The following CACNA2D3 variants were observed in gnomAD, a reference collection of about 807,000 sequenced individuals.
CACNA2D3 encodes the protein calcium voltage-gated channel auxiliary subunit alpha2delta 3, also known as voltage-dependent calcium channel subunit alpha-2/delta-3.
Under a neutral mutation model 160.6 loss-of-function variants are expected in CACNA2D3, and 60 were observed. That is an observed-to-expected ratio of 0.37 (90% CI 0.30 to 0.46). The LOEUF (loss-of-function observed/expected upper bound fraction) is 0.46, where lower values mean the gene tolerates loss of function less well. CACNA2D3 is among the 20% of genes least tolerant of loss of function. The probability of loss-of-function intolerance (pLI) is 1.00; values close to 1 mark genes in which losing one functional copy is unlikely to be tolerated. For missense variants in CACNA2D3, 1,205 were observed against 1,365.0 expected, an observed-to-expected ratio of 0.88 and a Z score of 1.85; for synonymous variants, 558 against 492.9, an observed-to-expected ratio of 1.13 and a Z score of -1.75.
chr3:54,475,089 C>G (rs995928565), intron 4 of CACNA2D3, among the ~76,000 whole-genome samples: 1 of 152,140 alleles, frequency 6.6e-6, no homozygotes, highest in African/African-American at 2.4e-5. Flanking sequence ...TTGCACATTG[C>G]GTCAAGTCAG....
chr3:54,123,382 C>T, intron 1 of CACNA2D3, 131 bp from the exon 2 acceptor site: 1 of 677,020 alleles, frequency 1.5e-6, no homozygotes, highest in Admixed American at 2.5e-5. Context: ...CTTTTTCTAT[C>T]TTTTCTTCTT....
chr3:54,320,567 C>T lies in CACNA2D3; in HGVS notation c.321+9C>T, dbSNP rs745828993. The T allele has an allele frequency of 6.7e-7, 1 of 1,497,804 alleles. No homozygotes were observed. 92.8% of individuals were successfully genotyped at this position (1,497,804 alleles called of 1,614,324 possible). ...AGTCTGAGGCCGTCAGGGTAAGTGC[C>T]TATGTTTTGTGCCCTGTATCGCCTG... On this transcript the variant is annotated intron_variant, in intron 3 of 37. Transcript: ENST00000474759.
chr3:54,461,508 G>T (rs370714676), intron 4 of CACNA2D3, among the ~76,000 whole-genome samples: 2 of 151,280 alleles, frequency 1.3e-5, no homozygotes, highest in African/African-American at 4.9e-5. Flanking sequence ...GTCTTGGGAG[G>T]GTGTACGTGT....
intron 31 of CACNA2D3, among the ~76,000 whole-genome samples, chr3:54,995,665 C>T (rs1360206384): frequency 6.6e-6 from 1 of 152,184 alleles, no homozygotes; most frequent in Non-Finnish European, 1.5e-5. Flanking sequence ...ATTAAGCAGC[C>T]TCCCATACAA....
chr3:54,967,160 C>T (rs1163302113), intron 27 of CACNA2D3: 2 of 152,220 alleles, frequency 1.3e-5, no homozygotes, highest in Non-Finnish European at 2.9e-5. Flanking sequence ...TAAGTGCAAA[C>T]ACAGATGGCA....
At chr3:54,159,669 CTAAT>C (rs1468414914) in intron 2 of CACNA2D3, among the ~76,000 whole-genome samples, 2 of 152,110 alleles carry the variant, frequency 1.3e-5, no homozygotes, top group Non-Finnish European at 2.9e-5. Flanking sequence ...GATTCTATGT[CTAAT>C]CCTCTTGGGA....
intron 29 of CACNA2D3, among the ~76,000 whole-genome samples, chr3:54,974,661 T>G (rs1214660202): frequency 1.3e-5 from 2 of 152,222 alleles, no homozygotes; most frequent in Non-Finnish European, 2.9e-5. Flanking sequence ...TGCAGGAAGA[T>G]GCCTTTTTTA....
At chr3:54,787,615 T>C (rs1306945772) in intron 13 of CACNA2D3, among the ~76,000 whole-genome samples, 1 of 152,172 alleles carries the variant, frequency 6.6e-6, no homozygotes, top group East Asian at 1.9e-4. Flanking sequence ...TGAGTTTATA[T>C]ACTGTTTTAA....
At chr3:54,706,978 G>A (rs1398668907) in intron 11 of CACNA2D3, among the ~76,000 whole-genome samples, 1 of 152,208 alleles carries the variant, frequency 6.6e-6, no homozygotes, top group Non-Finnish European at 1.5e-5. Context: ...CAACCATCCA[G>A]ATTGGGATTT....
intron 2 of CACNA2D3, among the ~76,000 whole-genome samples, chr3:54,145,164 A>G (rs1700001840): frequency 6.6e-6 from 1 of 152,244 alleles, no homozygotes; most frequent in Non-Finnish European, 1.5e-5. Flanking sequence ...TCCCAAATGC[A>G]GTTGTTTTAG....
intron 17 of CACNA2D3, among the ~76,000 whole-genome samples, chr3:54,859,999 C>CACACACACAT (rs1699255639): frequency 6.6e-6 from 1 of 151,710 alleles, no homozygotes; most frequent in African/African-American, 2.4e-5. Flanking sequence ...CACACACACA[C>CACACACACAT]ACACACACAC....
intron 16 of CACNA2D3, among the ~76,000 whole-genome samples, chr3:54,843,395 C>T (rs1160479876): frequency 6.6e-6 from 1 of 152,096 alleles, no homozygotes. Context: ...GAGGATTAGC[C>T]ACAGGGAGAG....
At chr3:54,738,365 G>A (rs1701574284) in intron 11 of CACNA2D3, among the ~76,000 whole-genome samples, 1 of 152,156 alleles carries the variant, frequency 6.6e-6, no homozygotes, top group Non-Finnish European at 1.5e-5. Context: ...GAAGATTGCA[G>A]AACTTCCTGC....
At chr3:54,720,322 A>G (rs1013172766) in intron 11 of CACNA2D3, among the ~76,000 whole-genome samples, 1 of 152,024 alleles carries the variant, frequency 6.6e-6, no homozygotes, top group Non-Finnish European at 1.5e-5. Context: ...TTTCATTATC[A>G]TTGAACTCAA....
At chr3:54,634,956 A>G (rs1381728703) in intron 10 of CACNA2D3, among the ~76,000 whole-genome samples, 2 of 152,022 alleles carry the variant, frequency 1.3e-5, no homozygotes, top group African/African-American at 4.8e-5. Flanking sequence ...TTAATAAGAA[A>G]AATAAAACAA....
intron 2 of CACNA2D3, among the ~76,000 whole-genome samples, chr3:54,161,640 C>A (rs1236864197): frequency 6.6e-6 from 1 of 152,204 alleles, no homozygotes; most frequent in Non-Finnish European, 1.5e-5. Context: ...TGTGCCCTTC[C>A]CAGCATGTTC....
At chr3:54,335,557 G>A (rs1165423099) in intron 3 of CACNA2D3, among the ~76,000 whole-genome samples, 2 of 152,052 alleles carry the variant, frequency 1.3e-5, no homozygotes, top group Non-Finnish European at 2.9e-5. Flanking sequence ...GGTGGGTTTT[G>A]GCCAGCTTCT....
chr3:55,017,887 C>G (rs1327088695), intron 34 of CACNA2D3, among the ~76,000 whole-genome samples: 1 of 152,176 alleles, frequency 6.6e-6, no homozygotes, highest in Non-Finnish European at 1.5e-5. Context: ...TATTCAGATA[C>G]ACATATGTGT....
rs140051282 is a variant in CACNA2D3, at chr3:54,464,562, G to A, written c.382-38930G>A. Among the ~76,000 whole-genome samples, 76 of 152,288 alleles carry A rather than the reference G, an allele frequency of 5.0e-4. 3 individuals are homozygous for A. In the East Asian group the frequency reaches 0.013, roughly 26 times the overall value. ...TAGCAATCAGCAAGACTCCGTGGGC[G>A]TAGGACCCTCCGAGCCAAGTGCGGG... On this transcript the variant is annotated intron_variant, in intron 4 of 37. Coordinates refer to ENST00000474759, the MANE Select transcript of CACNA2D3 (RefSeq NM_018398.3).
Sources: gnomAD v4.1 joint callset for allele counts (sites outside exome capture counted in the v4.1 genomes callset) on GRCh38, gnomAD v4.1.1 for gene constraint, MANE v1.5 for transcripts, NCBI Gene and HGNC (gene_info 2026-07-23, HGNC 2026-07-21) for gene names.